The following HRH2 variants were observed in gnomAD, a reference collection of about 807,000 sequenced individuals.
The protein encoded by HRH2 is histamine receptor H2.
Under a neutral mutation model 20.1 loss-of-function variants are expected in HRH2, and 4 were observed. The ratio of observed to expected loss-of-function variants is 0.20; its 90% CI spans 0.10 to 0.45. The LOEUF (loss-of-function observed/expected upper bound fraction) is 0.45. Among genes scored for constraint, HRH2 ranks in the 20% least tolerant of loss-of-function variants. The pLI is 0.99. For missense variants in HRH2, 250 were observed against 461.6 expected (o/e 0.54, Z 4.20); for synonymous variants, 197 against 200.7 (o/e 0.98, Z 0.16).
intron 2 of HRH2, among the ~76,000 whole-genome samples, chr5:175,694,338 C>T (rs141304930): frequency 0.019 from 2,912 of 151,870 alleles, 39 homozygotes; most frequent in Non-Finnish European, 0.032. Flanking sequence ...CCACCTGCAT[C>T]CCCCCAGTGT....
intron 1 of HRH2, among the ~76,000 whole-genome samples, chr5:175,674,547 G>A (rs900951395): frequency 6.6e-6 from 1 of 152,042 alleles, no homozygotes; most frequent in Admixed American, 6.6e-5. Flanking sequence ...CGTCTCGGGG[G>A]TAGTGAGACT....
chr5:175,669,592 G>A (rs2113485493), intron 1 of HRH2, among the ~76,000 whole-genome samples: 1 of 152,204 alleles, frequency 6.6e-6, no homozygotes, highest in East Asian at 1.9e-4. Context: ...TCAAACTCCT[G>A]ACCTCAAGCG....
intron 2 of HRH2, among the ~76,000 whole-genome samples, chr5:175,704,661 C>A (rs1266480975): frequency 1.3e-5 from 2 of 152,044 alleles, no homozygotes; most frequent in Non-Finnish European, 1.5e-5. Context: ...CTATTCACAG[C>A]TAATAACCAT....
At chr5:175,662,167 G>A (rs1184298671) in intron 1 of HRH2, among the ~76,000 whole-genome samples, 1 of 152,120 alleles carries the variant, frequency 6.6e-6, no homozygotes, top group Non-Finnish European at 1.5e-5. Flanking sequence ...GAGGATGCAG[G>A]GTGAAGACTG....
rs527754679 is a variant in HRH2 at position 175,694,866 on chromosome 5, C to T, written c.1076+10557C>T. Reference sequence around the variant, plus strand: ...GGGTAGGAAGCAGGGCCCAGCCTAGCATCTGACTCAGCCTACCACCCCACT... The same window carrying T: ...GGGTAGGAAGCAGGGCCCAGCCTAGTATCTGACTCAGCCTACCACCCCACT... On this transcript the variant is annotated intron_variant, in intron 2 of 2. Coordinates refer to ENST00000636584, the MANE Select transcript of HRH2 (RefSeq NM_001367711.1). 2.2e-4 allele frequency among the ~76,000 whole-genome samples: 33 copies of T among 152,270 alleles called. 1 individual carries two copies. In the South Asian group the frequency reaches 6.4e-3, roughly 30 times the overall value.
At chr5:175,676,610 A>C (rs1365752864) in intron 1 of HRH2, among the ~76,000 whole-genome samples, 1 of 152,202 alleles carries the variant, frequency 6.6e-6, no homozygotes, top group Non-Finnish European at 1.5e-5. Flanking sequence ...AATTTGTATA[A>C]ATTTATAGAG....
intron 1 of HRH2, among the ~76,000 whole-genome samples, chr5:175,668,922 C>T (rs1755414245): frequency 6.6e-6 from 1 of 152,170 alleles, no homozygotes; most frequent in Non-Finnish European, 1.5e-5. Flanking sequence ...AATCACGGAA[C>T]AAAGTGTGAC....
chr5:175,664,501 G>T (rs1246047007), intron 1 of HRH2, among the ~76,000 whole-genome samples: 1 of 152,156 alleles, frequency 6.6e-6, no homozygotes, highest in African/African-American at 2.4e-5. Context: ...AAATGTCCAG[G>T]GGTGTTCAGG....
At chr5:175,660,471 C>T (rs1302636269) in intron 1 of HRH2, among the ~76,000 whole-genome samples, 3 of 152,050 alleles carry the variant, frequency 2.0e-5, no homozygotes, top group Non-Finnish European at 4.4e-5. Context: ...TGGCAGGGTC[C>T]CAAATATGTG....
intron 2 of HRH2, among the ~76,000 whole-genome samples, chr5:175,696,810 G>T (rs192026570): frequency 6.6e-6 from 1 of 151,290 alleles, no homozygotes; most frequent in African/African-American, 2.5e-5. Flanking sequence ...TCTATAAGAC[G>T]GGGAGAATCT....
intron 1 of HRH2, among the ~76,000 whole-genome samples, chr5:175,669,142 G>A (rs1269003476): frequency 1.3e-5 from 2 of 152,132 alleles, no homozygotes; most frequent in African/African-American, 4.8e-5. Flanking sequence ...ACAGCACCTG[G>A]CCCCTGCTTT....
At position 175,683,801 on chromosome 5, in the gene HRH2, AC is replaced by A; in HGVS notation, c.570del (p.Phe191SerfsTer6). 1 of 1,614,130 alleles carries A rather than the reference AC, an allele frequency of 6.2e-7. No individual in the cohort carries two copies. The highest frequency in any genetic ancestry group is 8.5e-7 in the Non-Finnish European group (1 of 1,180,030). On this transcript the variant is annotated frameshift_variant, in exon 2 of 3. Coordinates refer to ENST00000636584, the MANE Select transcript of HRH2 (RefSeq NM_001367711.1). LOFTEE classifies it high-confidence loss of function. Reference protein sequence around the residue: ...EVYGLVDGLVTFYLPLLIMCI... With the variant: ...EVYGLVDGLVXFYLPLLIMCI... The stretch of plus-strand genomic sequence containing the variant: ...GTACGGGCTGGTGGATGGGCTGGTC[AC>A]CTTCTACCTCCCGCTACTGATCATG...
At chr5:175,702,465 C>G (rs1344479398) in intron 2 of HRH2, among the ~76,000 whole-genome samples, 1 of 144,980 alleles carries the variant, frequency 6.9e-6, no homozygotes, top group Non-Finnish European at 1.5e-5. Flanking sequence ...TTTTTGAAAG[C>G]ATAGGAAGGA....
chr5:175,684,460 C>A, intron 2 of HRH2, 151 bp downstream of exon 2: 1 of 1,087,730 alleles, frequency 9.2e-7, no homozygotes, highest in Non-Finnish European at 1.3e-6. Context: ...TTGCTTAATC[C>A]TCCCAACGGC....
intron 1 of HRH2, among the ~76,000 whole-genome samples, chr5:175,680,053 G>T (rs559592789): frequency 6.6e-6 from 1 of 152,316 alleles, no homozygotes; most frequent in East Asian, 1.9e-4. Flanking sequence ...TACTATGCAT[G>T]GTATCGCTTT....
intron 1 of HRH2, among the ~76,000 whole-genome samples, chr5:175,679,399 C>G (rs1043028190): frequency 2.0e-5 from 3 of 152,212 alleles, no homozygotes; most frequent in African/African-American, 7.2e-5. Context: ...CTCTGGAAGA[C>G]TTCCTGGAGG....
Position 175,683,701 on chromosome 5 carries a change from G to A in HRH2, c.468G>A (p.Leu156=), listed in dbSNP as rs755136225. ...CCCTGTCCTTTCTGTCTATCCACCT[G>A]GGGTGGAACAGCAGGAACGAGACCA... The part of the protein sequence containing the change: ...SITLSFLSIH[L]GWNSRNETSK... Residue 156 remains leucine, a synonymous_variant, in exon 2 of 3, where the codon CTG becomes CTA. Transcript: ENST00000636584. 10 of 1,614,000 alleles carry A rather than the reference G, an allele frequency of 6.2e-6. No individual in the cohort carries two copies. In the African/African-American group the frequency reaches 1.1e-4, roughly 17 times the overall value.
rs186435596 is a variant in HRH2, at chr5:175,708,109, T to C, written c.*138T>C. On this transcript the variant is annotated 3_prime_UTR_variant, in exon 3 of 3. Transcript: ENST00000636584. ...GGGGCTCCCAGAACACACAGCTGGG[T>C]GTGGGGTCCTCAGGCCTAGGGCGGA... is the stretch of plus-strand genomic sequence containing the variant. 3 of 397,374 alleles carry C rather than the reference T, an allele frequency of 7.5e-6. No individual in the cohort carries two copies. The highest frequency in any genetic ancestry group is 8.9e-6 in the Non-Finnish European group (2 of 225,800). 24.6% of individuals were successfully genotyped at this position (397,374 alleles called of 1,614,324 possible).
In HRH2 at chr5:175,660,722, C is replaced by T. The variant is rs193105640; in HGVS notation, c.-526+2567C>T. 9.9e-5 allele frequency among the ~76,000 whole-genome samples: 15 copies of T among 152,262 alleles called. No homozygotes were observed. The East Asian group carries it at 2.7e-3, about 27-fold the overall frequency. ...TTACGGTTCAGTAAAATGGGTGCCACGTATCTGAGTGTGCCCTGTCTCAGG... is the reference window on the plus strand; with the variant it reads ...TTACGGTTCAGTAAAATGGGTGCCATGTATCTGAGTGTGCCCTGTCTCAGG... On this transcript the variant is annotated intron_variant, in intron 1 of 2. Coordinates refer to ENST00000636584, the MANE Select transcript of HRH2 (RefSeq NM_001367711.1).
Sources: allele counts gnomAD v4.1 joint callset (sites outside exome capture counted in the v4.1 genomes callset), GRCh38; gene constraint gnomAD v4.1.1; transcripts MANE v1.5; gene names NCBI Gene and HGNC (gene_info 2026-07-23, HGNC 2026-07-21).